The following MSI2 variants were observed in gnomAD, a reference collection of about 807,000 sequenced individuals.
The protein encoded by MSI2 is RNA-binding protein Musashi homolog 2.
In MSI2, 17 loss-of-function variants were observed where a neutral mutation model predicts 45.6. The ratio of observed to expected loss-of-function variants is 0.37; its 90% CI spans 0.26 to 0.56. The LOEUF (loss-of-function observed/expected upper bound fraction) is 0.56, where lower values mean the gene tolerates loss of function less well. MSI2 is among the 20% of genes least tolerant of loss of function. The pLI is 0.77. For missense variants in MSI2, 293 were observed against 444.2 expected (o/e 0.66, Z 3.06); for synonymous variants, 156 against 158.2 (o/e 0.99, Z 0.11).
chr17:57,442,119 C>G (rs796157051), intron 6 of MSI2, among the ~76,000 whole-genome samples: 1 of 151,728 alleles, frequency 6.6e-6, no homozygotes, highest in African/African-American at 2.4e-5. Flanking sequence ...TCACTGGGTC[C>G]TCCACCTCCC....
chr17:57,612,767 C>T (rs1356994107), intron 8 of MSI2, among the ~76,000 whole-genome samples: 2 of 152,166 alleles, frequency 1.3e-5, no homozygotes, highest in South Asian at 2.1e-4. Context: ...CTGAGATTTC[C>T]GTTGATCGGG....
chr17:57,401,172 CT>C (rs2143091933), intron 5 of MSI2, among the ~76,000 whole-genome samples: 1 of 152,292 alleles, frequency 6.6e-6, no homozygotes, highest in African/African-American at 2.4e-5. Context: ...GAAACTCAAG[CT>C]TTTAGGTTGC....
chr17:57,326,635 A>G (rs1320050789), intron 5 of MSI2, among the ~76,000 whole-genome samples: 1 of 152,228 alleles, frequency 6.6e-6, no homozygotes, highest in Non-Finnish European at 1.5e-5. Flanking sequence ...GCTAACATTT[A>G]TGAAGCTCTC....
chr17:57,560,359 G>T (rs980212198), intron 7 of MSI2, among the ~76,000 whole-genome samples: 1 of 152,208 alleles, frequency 6.6e-6, no homozygotes, highest in African/African-American at 2.4e-5. Context: ...GCAGTAACCC[G>T]TGCCCCTCCG....
At chr17:57,645,808 T>C (rs368985518) in intron 10 of MSI2, among the ~76,000 whole-genome samples, 51 of 152,214 alleles carry the variant, frequency 3.4e-4, no homozygotes, top group African/African-American at 1.2e-3. Context: ...GACCCAAAAA[T>C]CAGCATTTGT....
intron 7 of MSI2, among the ~76,000 whole-genome samples, chr17:57,575,727 C>G (rs951214367): frequency 6.6e-6 from 1 of 151,820 alleles, no homozygotes; most frequent in Non-Finnish European, 1.5e-5. Flanking sequence ...GGGTGGATCA[C>G]GAGGTCAGGA....
At chr17:57,369,535 A>G (rs2083390435) in intron 5 of MSI2, among the ~76,000 whole-genome samples, 1 of 152,226 alleles carries the variant, frequency 6.6e-6, no homozygotes, top group Non-Finnish European at 1.5e-5. Flanking sequence ...TTTTGTTCCT[A>G]GAAAGTATTC....
intron 6 of MSI2, among the ~76,000 whole-genome samples, chr17:57,520,758 A>G (rs1032357379): frequency 1.6e-4 from 24 of 152,196 alleles, no homozygotes; most frequent in African/African-American, 5.8e-4. Flanking sequence ...GGTTCAAGCA[A>G]TTCTCCTGCC....
chr17:57,650,105 T>C (rs1005580484), intron 10 of MSI2, among the ~76,000 whole-genome samples: 14 of 152,198 alleles, frequency 9.2e-5, no homozygotes, highest in African/African-American at 3.4e-4. Context: ...GATAAGTTTT[T>C]TTTTTCTTCC....
chr17:57,372,255 T>C (rs1274178670), intron 5 of MSI2, among the ~76,000 whole-genome samples: 2 of 152,222 alleles, frequency 1.3e-5, no homozygotes, highest in Non-Finnish European at 2.9e-5. Context: ...TACCTACTTA[T>C]CTTCAACACA....
At chr17:57,578,890 C>G (rs919499892) in intron 7 of MSI2, among the ~76,000 whole-genome samples, 3 of 152,076 alleles carry the variant, frequency 2.0e-5, no homozygotes, top group African/African-American at 7.2e-5. Flanking sequence ...ATCTTTTCAG[C>G]CCAGGTACAT....
intron 7 of MSI2, among the ~76,000 whole-genome samples, chr17:57,584,846 G>A (rs1598424065): frequency 6.6e-6 from 1 of 151,398 alleles, no homozygotes; most frequent in African/African-American, 2.4e-5. Context: ...TTTTGAGTTG[G>A]GGTCTCGCTC....
intron 6 of MSI2, among the ~76,000 whole-genome samples, chr17:57,464,870 G>A (rs1445829896): frequency 6.6e-6 from 1 of 152,168 alleles, no homozygotes; most frequent in Non-Finnish European, 1.5e-5. Flanking sequence ...CGTCTCCATC[G>A]TCAGATATGA....
chr17:57,694,796 T>C, the MSI2 span, among the ~76,000 whole-genome samples: 4 of 152,236 alleles, frequency 2.6e-5, no homozygotes, highest in Admixed American at 2.0e-4. Flanking sequence ...ACTCCCTGGC[T>C]TGATAGGTTA....
chr17:57,464,321 A>G (rs536495646), intron 6 of MSI2, among the ~76,000 whole-genome samples: 2 of 150,884 alleles, frequency 1.3e-5, no homozygotes, highest in East Asian at 1.9e-4. Context: ...GCACGTGCCT[A>G]TAGTCCCAGC....
intron 9 of MSI2, among the ~76,000 whole-genome samples, chr17:57,618,788 C>T (rs946705496): frequency 2.6e-5 from 4 of 151,972 alleles, no homozygotes; most frequent in Admixed American, 2.6e-4. Context: ...GTGATCCACC[C>T]GCCTCAGCCT....
At chr17:57,603,654 A>G (rs1311086941) in intron 8 of MSI2, among the ~76,000 whole-genome samples, 1 of 152,252 alleles carries the variant, frequency 6.6e-6, no homozygotes, top group East Asian at 1.9e-4. Context: ...AACGGGCCAG[A>G]GAGTCTCTGT....
chr17:57,416,810 G>A (rs550788693), intron 6 of MSI2, among the ~76,000 whole-genome samples: 3 of 152,294 alleles, frequency 2.0e-5, no homozygotes, highest in African/African-American at 7.2e-5. Context: ...GTGATCATGG[G>A]AACAACTGGA....
chr17:57,279,100 G>A (rs756832742), intron 5 of MSI2: 2 of 152,246 alleles, frequency 1.3e-5, no homozygotes, highest in Non-Finnish European at 2.9e-5. Flanking sequence ...TGGAAGGGAA[G>A]GTGGAAAGGG....
Sources: gnomAD v4.1 joint callset for allele counts (sites outside exome capture counted in the v4.1 genomes callset) on GRCh38, gnomAD v4.1.1 for gene constraint, MANE v1.5 for transcripts, NCBI Gene and HGNC (gene_info 2026-07-23, HGNC 2026-07-21) for gene names.